The following ATF3 variants were observed in gnomAD, a reference collection of about 807,000 sequenced individuals.
ATF3 encodes activating transcription factor 3, also known as cyclic AMP-dependent transcription factor ATF-3.
A neutral mutation model predicts 18.4 loss-of-function variants in ATF3; 10 were observed. That is an observed-to-expected ratio of 0.54 (90% confidence interval 0.34 to 0.92). The LOEUF is 0.92. Ranked by LOEUF, ATF3 falls within the 40% of genes least tolerant of loss-of-function variation. The pLI is 0.02. For missense variants in ATF3, 183 were observed against 222.3 expected (o/e 0.82, Z 1.12); for synonymous variants, 78 against 87.9 (o/e 0.89, Z 0.63).
intron 1 of ATF3, among the ~76,000 whole-genome samples, chr1:212,602,713 C>G (rs988514993): frequency 2.0e-5 from 3 of 152,100 alleles, no homozygotes; most frequent in African/African-American, 7.2e-5. Context: ...ATTAACTGTA[C>G]GTAAAGGGCT....
In ATF3 at chr1:212,618,304, A is replaced by T; in HGVS notation, c.348+70A>T. The T allele has an allele frequency of 6.7e-7, 1 of 1,500,838 alleles. No homozygotes were observed. Among genetic ancestry groups the T allele is most frequent in the Non-Finnish European group, 9.3e-7 (1 of 1,077,666 alleles). The allele number at this position is 1,500,838 out of a possible 1,614,324, so 93.0% of individuals were successfully genotyped here. ...TTCACCAGCTTCATGTGGCTATCAG[A>T]AGAAGAGTTAGAAAACCCCCTACTT... On this transcript the variant is annotated intron_variant, in intron 3 of 3. Coordinates refer to ENST00000341491, the MANE Select transcript of ATF3 (RefSeq NM_001674.4). The surrounding 1 kb of genome is among the most constrained non-coding windows in gnomAD (Gnocchi z 4.4).
intron 1 of ATF3, among the ~76,000 whole-genome samples, chr1:212,572,649 C>G (rs1282934120): frequency 1.3e-5 from 2 of 152,198 alleles, no homozygotes; most frequent in Admixed American, 1.3e-4. Flanking sequence ...ATTATATTGA[C>G]CATTCAAATT....
In ATF3 at chr1:212,618,771, A is replaced by C. The variant is rs918354885; in HGVS notation, c.348+537A>C. 3.7e-6 allele frequency: 2 copies of C among 535,490 alleles called. No homozygotes were observed. The highest frequency in any genetic ancestry group is 3.1e-5 in the Admixed American group (1 of 32,294). The allele number at this position is 535,490 out of a possible 1,614,324, so 33.2% of individuals were successfully genotyped here. A position where few individuals can be genotyped will look rare whatever the true frequency, so the allele number is the denominator to read the frequency against. ...TCAGCCGGCCCGCCTGAGAGACACTAGGGGAAATAGCTTTTGTGGGCAAGC... is the reference window on the plus strand; with the variant it reads ...TCAGCCGGCCCGCCTGAGAGACACTCGGGGAAATAGCTTTTGTGGGCAAGC... On this transcript the variant is annotated intron_variant, in intron 3 of 3. Transcript: ENST00000341491. This position sits in a 1 kb window ranked among gnomAD's most constrained non-coding sequence, Gnocchi z 4.4.
At chr1:212,584,319 A>T (rs112160432) in intron 1 of ATF3, among the ~76,000 whole-genome samples, 131 of 152,226 alleles carry the variant, frequency 8.6e-4, no homozygotes, top group African/African-American at 3.0e-3. Flanking sequence ...ATGCATGTGT[A>T]TAAGAGATTT....
upstream of ATF3, among the ~76,000 whole-genome samples, chr1:212,604,965 T>TC (rs1342818224): frequency 1.3e-5 from 2 of 152,102 alleles, no homozygotes. Context: ...GGGCTCTCAC[T>TC]CCCGCCCCCT....
At chr1:212,594,616 G>A (rs1026308821) in intron 1 of ATF3, among the ~76,000 whole-genome samples, 1 of 152,216 alleles carries the variant, frequency 6.6e-6, no homozygotes, top group African/African-American at 2.4e-5. Flanking sequence ...TCTCAGATGA[G>A]GGTGGCAGGG....
At chr1:212,571,527 C>T (rs1232191399) in intron 1 of ATF3, among the ~76,000 whole-genome samples, 1 of 151,682 alleles carries the variant, frequency 6.6e-6, no homozygotes, top group East Asian at 1.9e-4. Context: ...CCTGCTTCAG[C>T]CTCCTGAGTA....
At chr1:212,569,359 G>A (rs953722071) in intron 1 of ATF3, among the ~76,000 whole-genome samples, 1 of 152,152 alleles carries the variant, frequency 6.6e-6, no homozygotes, top group African/African-American at 2.4e-5. Flanking sequence ...TTTTAATAGT[G>A]GCAATACTTT....
intron 1 of ATF3, among the ~76,000 whole-genome samples, chr1:212,593,439 A>T (rs7530106): frequency 0.012 from 1,526 of 132,310 alleles, 27 homozygotes; most frequent in African/African-American, 0.053. Context: ...TTAAAGTATA[A>T]AAAAAAAAAG....
At chr1:212,593,988 T>A (rs911472612) in intron 1 of ATF3, among the ~76,000 whole-genome samples, 1 of 152,256 alleles carries the variant, frequency 6.6e-6, no homozygotes, top group African/African-American at 2.4e-5. Context: ...AATTAGTCCT[T>A]GAGTTGCCTG....
At chr1:212,613,750 A>G (rs11571538) in intron 1 of ATF3, 11,856 of 152,380 alleles carry the variant, frequency 0.078, 595 homozygotes, top group Middle Eastern at 0.16. Context: ...TTGGGAACCA[A>G]CTGCAGGGAG....
chr1:212,590,542 G>A (rs1296577841), intron 1 of ATF3, among the ~76,000 whole-genome samples: 2 of 152,148 alleles, frequency 1.3e-5, no homozygotes, highest in Non-Finnish European at 1.5e-5. Context: ...TGTGTGGGGT[G>A]AGCCCTGCTA....
intron 1 of ATF3, among the ~76,000 whole-genome samples, chr1:212,587,308 A>G (rs1664798079): frequency 6.6e-6 from 1 of 152,270 alleles, no homozygotes; most frequent in Non-Finnish European, 1.5e-5. Flanking sequence ...ATGAGTTTTT[A>G]TCTGCATTAG....
At chr1:212,588,578 T>C (rs771906264) in intron 1 of ATF3, among the ~76,000 whole-genome samples, 6 of 152,160 alleles carry the variant, frequency 3.9e-5, no homozygotes, top group Non-Finnish European at 7.3e-5. Flanking sequence ...AAGTAATACA[T>C]GTACAGAGTT....
intron 1 of ATF3, among the ~76,000 whole-genome samples, chr1:212,571,983 A>T (rs904058260): frequency 7.9e-5 from 12 of 151,818 alleles, no homozygotes; most frequent in African/African-American, 2.9e-4. Flanking sequence ...AAGTGCTGGG[A>T]TTACAGGCGT....
intron 1 of ATF3, among the ~76,000 whole-genome samples, chr1:212,589,031 G>A (rs192106377): frequency 1.3e-5 from 2 of 152,158 alleles, no homozygotes; most frequent in Admixed American, 6.5e-5. Context: ...CTAAAATATA[G>A]CATCGCTTTG....
upstream of ATF3, chr1:212,608,485 A>C (rs938429696): frequency 2.0e-5 from 3 of 152,700 alleles, no homozygotes; most frequent in African/African-American, 7.2e-5. Flanking sequence ...TGATATGGAG[A>C]GAGAGGGCGG....
rs1482546332 is a variant in ATF3 at position 212,619,093 on chromosome 1, C to T, written c.349-265C>T. Reference sequence around the variant, plus strand: ...AGAAGACCTGCATATGGGCTGTTGACTCATGCAAATGAGGTATCTGAACTG... The same window carrying T: ...AGAAGACCTGCATATGGGCTGTTGATTCATGCAAATGAGGTATCTGAACTG... On this transcript the variant is annotated intron_variant, in intron 3 of 3. Transcript: ENST00000341491. This position sits in a 1 kb window ranked among gnomAD's most constrained non-coding sequence, Gnocchi z 4.4. 2 of 1,614,064 alleles carry T rather than the reference C, an allele frequency of 1.2e-6. No homozygotes were observed. Among genetic ancestry groups the T allele is most frequent in the Non-Finnish European group, 1.7e-6 (2 of 1,180,058 alleles).
chr1:212,614,799 A>G (rs1359470379), intron 1 of ATF3, among the ~76,000 whole-genome samples: 1 of 152,164 alleles, frequency 6.6e-6, no homozygotes, highest in Non-Finnish European at 1.5e-5. Flanking sequence ...ATAAATTTCA[A>G]ATAGGCATTT....
Sources: gnomAD v4.1 joint callset for allele counts (sites outside exome capture counted in the v4.1 genomes callset) on GRCh38, gnomAD v4.1.1 for gene constraint, Gnocchi (gnomAD v3.1) non-coding constraint, MANE v1.5 for transcripts, NCBI Gene and HGNC (gene_info 2026-07-23, HGNC 2026-07-21) for gene names.